Variants in PDZD8 observed in about 807,000 individuals in gnomAD.
PDZD8 encodes PDZ domain containing 8.
PDZD8 carries 14 observed loss-of-function variants against 85.8 expected under a neutral mutation model. The observed-to-expected ratio is 0.16, with a 90% CI of 0.11 to 0.26. PDZD8 has a LOEUF of 0.26. PDZD8 is among the 10% of genes least tolerant of loss of function. The probability of loss-of-function intolerance (pLI) is 1.00; values close to 1 mark genes in which losing one functional copy is unlikely to be tolerated. For missense variants in PDZD8, 1,197 were observed against 1,424.3 expected (o/e 0.84, Z 2.57); for synonymous variants, 592 against 568.6 (o/e 1.04, Z -0.59).
intron 3 of PDZD8, among the ~76,000 whole-genome samples, chr10:117,305,373 A>G (rs189922061): frequency 2.6e-5 from 4 of 152,100 alleles, no homozygotes; most frequent in Middle Eastern, 3.4e-3. Context: ...AGATTGCACC[A>G]CTGCACTCCA....
chr10:117,302,763 T>C lies in PDZD8; in HGVS notation c.1099-12415A>G, dbSNP rs778308920. ...AGAGGGCCAGTCTTTCCTGTGCTAT[T>C]CTCGTGATAGTGAATTAAGTCTCAT... On this transcript the variant is annotated intron_variant, in intron 3 of 4. Transcript: ENST00000334464. 1.3e-3 allele frequency among the ~76,000 whole-genome samples: 197 copies of C among 152,178 alleles called. 2 individuals are homozygous for C. Among genetic ancestry groups the C allele is most frequent in the Non-Finnish European group, 1.2e-3 (79 of 68,040 alleles).
chr10:117,289,069 T>A (rs1164508042), intron 4 of PDZD8, among the ~76,000 whole-genome samples: 1 of 152,126 alleles, frequency 6.6e-6, no homozygotes, highest in Non-Finnish European at 1.5e-5. Context: ...AGCATCATCA[T>A]TTGGGAGGAG....
chr10:117,300,268 C>T (rs551011587), intron 3 of PDZD8, among the ~76,000 whole-genome samples: 32 of 152,146 alleles, frequency 2.1e-4, no homozygotes, highest in South Asian at 6.2e-4. Context: ...ATTTTTGTTT[C>T]GTGGTCCTCT....
chr10:117,339,305 C>G (rs879098859), intron 2 of PDZD8, among the ~76,000 whole-genome samples: 2 of 152,070 alleles, frequency 1.3e-5, no homozygotes, highest in Non-Finnish European at 2.9e-5. Flanking sequence ...GTGGTACAAA[C>G]AAGTGTCAAA....
intron 1 of PDZD8, among the ~76,000 whole-genome samples, chr10:117,346,794 A>G (rs550562822): frequency 6.6e-6 from 1 of 152,114 alleles, no homozygotes; most frequent in Non-Finnish European, 1.5e-5. Context: ...ACGTACAGGC[A>G]TCATGGCCGC....
chr10:117,359,062 A>ATTTT (rs57182574), intron 1 of PDZD8, among the ~76,000 whole-genome samples: 34,569 of 151,338 alleles, frequency 0.23, 4,512 homozygotes, highest in East Asian at 0.43. Flanking sequence ...ATGCTAGTTG[A>ATTTT]TTTTTTTTAA....
intron 2 of PDZD8, among the ~76,000 whole-genome samples, chr10:117,323,415 C>T (rs980464747): frequency 1.3e-5 from 2 of 152,164 alleles, no homozygotes; most frequent in Non-Finnish European, 2.9e-5. Context: ...GTTTGAACTA[C>T]CTTTCTTCTC....
chr10:117,368,696 C>A (rs945661251), intron 1 of PDZD8, among the ~76,000 whole-genome samples: 28 of 152,074 alleles, frequency 1.8e-4, no homozygotes, highest in African/African-American at 6.5e-4. Context: ...TTATTAATGA[C>A]CCATTCCACT....
Position 117,372,060 on chromosome 10 carries a change from C to T in PDZD8, c.872+2296G>A, listed in dbSNP as rs1845203156. On this transcript the variant is annotated intron_variant, in intron 1 of 4. Coordinates refer to ENST00000334464, the MANE Select transcript of PDZD8 (RefSeq NM_173791.5). ...TTGTTCAGTACTGAAATCCCAGCAT[C>T]TACAACAAGGATAAGCATATAGCAG... Among the ~76,000 whole-genome samples the T allele has an allele frequency of 1.3e-5, 2 of 152,184 alleles. 1 individual carries two copies. Among genetic ancestry groups the T allele is most frequent in the Admixed American group, 1.3e-4 (2 of 15,284 alleles).
chr10:117,333,478 T>A (rs1436428080), intron 2 of PDZD8, among the ~76,000 whole-genome samples: 1 of 152,178 alleles, frequency 6.6e-6, no homozygotes, highest in Non-Finnish European at 1.5e-5. Context: ...AGCACCCACA[T>A]ACCAACTACT....
chr10:117,340,304 T>C (rs1844589117), intron 2 of PDZD8, among the ~76,000 whole-genome samples: 1 of 152,192 alleles, frequency 6.6e-6, no homozygotes, highest in Admixed American at 6.5e-5. Flanking sequence ...GCTAGGCCCA[T>C]CTGTCCAGTT....
rs966366124 is a variant in PDZD8, at chr10:117,375,195, G to C, written c.33C>G (p.Ala11=). The C allele has an allele frequency of 3.5e-5, 55 of 1,560,184 alleles. No individual in the cohort carries two copies. Among genetic ancestry groups the C allele is most frequent in the Non-Finnish European group, 4.6e-5 (53 of 1,158,558 alleles). Residue 11 remains alanine, a synonymous_variant, in exon 1 of 5, where the codon GCC becomes GCG. Coordinates refer to ENST00000334464, the MANE Select transcript of PDZD8 (RefSeq NM_173791.5). ...GGAGCGTGAGGAAGGAACCCAGCAC[G>C]GCCGACGCCAGGATCATGAGCAGCA... MGLLLMILAS[A]VLGSFLTLLA...
chr10:117,311,453 C>T (rs1221012034), intron 3 of PDZD8, among the ~76,000 whole-genome samples: 7 of 152,096 alleles, frequency 4.6e-5, no homozygotes, highest in East Asian at 3.9e-4. Flanking sequence ...TTAGTCATAC[C>T]GAAAACATTT....
intron 1 of PDZD8, among the ~76,000 whole-genome samples, chr10:117,363,033 AAAT>A (rs1469858935): frequency 6.6e-6 from 1 of 152,264 alleles, no homozygotes; most frequent in East Asian, 1.9e-4. Context: ...ATTTTACAGA[AAAT>A]AATATTATAC....
At chr10:117,371,190 C>CTTATTTTGTTTATTTATTTTGTTTAT (rs1845183817) in intron 1 of PDZD8, among the ~76,000 whole-genome samples, 1 of 152,168 alleles carries the variant, frequency 6.6e-6, no homozygotes, top group African/African-American at 2.4e-5. Context: ...TATTTATTTA[C>CTTATTTTGTTTATTTATTTTGTTTAT]TTATTTATTT....
intron 1 of PDZD8, among the ~76,000 whole-genome samples, chr10:117,346,829 T>C (rs539350105): frequency 6.6e-6 from 1 of 152,008 alleles, no homozygotes; most frequent in South Asian, 2.1e-4. Context: ...CTCATTTGTA[T>C]AATAAAAGGC....
In PDZD8 at chr10:117,374,288, A is replaced by G. The variant is rs1002241899; in HGVS notation, c.872+68T>C. Reference sequence around the variant, plus strand: ...CAGAAATGAGCCTTTGCCCTTCCCAATCCACGCAGCGTCCCGCCCAGGCCC... The same window carrying G: ...CAGAAATGAGCCTTTGCCCTTCCCAGTCCACGCAGCGTCCCGCCCAGGCCC... On this transcript the variant is annotated intron_variant, in intron 1 of 4. Coordinates refer to ENST00000334464, the MANE Select transcript of PDZD8 (RefSeq NM_173791.5). This position sits in a 1 kb window ranked among gnomAD's most constrained non-coding sequence, Gnocchi z 7.8. 24 of 1,577,266 alleles carry G rather than the reference A, an allele frequency of 1.5e-5. No individual in the cohort carries two copies. The highest frequency in any genetic ancestry group is 1.8e-5 in the Non-Finnish European group (21 of 1,161,176).
rs113279578 is a variant in PDZD8, at chr10:117,291,365, C to T, written c.1099-1017G>A. Among the ~76,000 whole-genome samples the T allele has an allele frequency of 3.6e-3, 545 of 151,540 alleles. 3 individuals carry two copies. Among genetic ancestry groups the T allele is most frequent in the African/African-American group, 0.012 (515 of 41,364 alleles). On this transcript the variant is annotated intron_variant, in intron 3 of 4. Coordinates refer to ENST00000334464, the MANE Select transcript of PDZD8 (RefSeq NM_173791.5). ...CTAACACGGTGAAACCCCGTCTCTACTAAAAATACAAAAAATTAGCCAGGC... is the reference window on the plus strand; with the variant it reads ...CTAACACGGTGAAACCCCGTCTCTATTAAAAATACAAAAAATTAGCCAGGC...
At chr10:117,309,335 C>G (rs1843995540) in intron 3 of PDZD8, among the ~76,000 whole-genome samples, 1 of 151,656 alleles carries the variant, frequency 6.6e-6, no homozygotes, top group South Asian at 2.1e-4. Flanking sequence ...TAGCATAAAC[C>G]TCAAAGCATT....
Sources: gnomAD v4.1 joint callset for allele counts (sites outside exome capture counted in the v4.1 genomes callset) on GRCh38, gnomAD v4.1.1 for gene constraint, Gnocchi (gnomAD v3.1) non-coding constraint, MANE v1.5 for transcripts, NCBI Gene and HGNC (gene_info 2026-07-23, HGNC 2026-07-21) for gene names.